PPP1R10: variants seen among roughly 807,000 people sequenced by gnomAD.
PPP1R10 encodes serine/threonine-protein phosphatase 1 regulatory subunit 10.
PPP1R10 carries 15 observed loss-of-function variants against 99.0 expected under a neutral mutation model. That is an observed-to-expected ratio of 0.15 (90% CI 0.10 to 0.23). The LOEUF (loss-of-function observed/expected upper bound fraction) is 0.23. PPP1R10 is among the 10% of genes least tolerant of loss of function. PPP1R10 has a pLI of 1.00. For synonymous variants in PPP1R10, 430 were observed against 449.5 expected (o/e 0.96, Z 0.55); for missense variants, 947 against 1,259.4 (o/e 0.75, Z 3.75).
Position 30,602,226 on chromosome 6 carries a change from C to G in PPP1R10, c.2423G>C (p.Ser808Thr). Residue 808 changes from serine (S) to threonine (T), a missense_variant, in exon 19 of 20, where the codon AGT becomes ACT. Physicochemically the swap from Ser to Thr is moderately conservative, Grantham distance 58. Coordinates refer to ENST00000376511, the MANE Select transcript of PPP1R10 (RefSeq NM_002714.4). This position sits in a 1 kb window ranked among gnomAD's most constrained non-coding sequence, Gnocchi z 6.7. Reference sequence around the variant, plus strand: ...ATGGGGACGATGGCCACTGCCACCACTGATGCCACCGCCAGGGCCTTCGTG... The same window carrying G: ...ATGGGGACGATGGCCACTGCCACCAGTGATGCCACCGCCAGGGCCTTCGTG... The part of the protein sequence containing the change: ...RPHEGPGGGI[S>T]GGSGHRPHEG... 6.2e-7 allele frequency: 1 copy of G among 1,611,700 alleles called. No homozygotes were observed. Among genetic ancestry groups the G allele is most frequent in the South Asian group, 1.1e-5 (1 of 90,990 alleles).
chr6:30,602,688 G>C lies in PPP1R10; in HGVS notation c.1961C>G (p.Pro654Arg), dbSNP rs1268419608. The part of the protein sequence containing the change: ...PPGPGGPMPG[P>R]HGGPGGPVGP... ...CACTGGCCCACCAGGGCCTCCATGG[G>C]GACCTGTAAGGGGACAAAAAAGAGA... is the stretch of plus-strand genomic sequence containing the variant. Residue 654 changes from proline to arginine, a missense_variant, in exon 19 of 20, where the codon CCC (proline) becomes CGC (arginine). By Grantham distance (103) the Pro-to-Arg change is moderately radical. Coordinates refer to ENST00000376511, the MANE Select transcript of PPP1R10 (RefSeq NM_002714.4). The surrounding 1 kb of genome is among the most constrained non-coding windows in gnomAD (Gnocchi z 6.7). The C allele has an allele frequency of 1.2e-6, 2 of 1,604,218 alleles. No individual in the cohort carries two copies. Among genetic ancestry groups the C allele is most frequent in the Non-Finnish European group, 1.7e-6 (2 of 1,176,990 alleles).
chr6:30,605,776 C>T (rs1302376839), intron 10 of PPP1R10, 147 bp downstream of exon 10: 6 of 750,934 alleles, frequency 8.0e-6, no homozygotes, highest in East Asian at 2.5e-5. Flanking sequence ...AGGAGAATGG[C>T]GTGAACCCGG....
chr6:30,609,106 C>G lies in PPP1R10; in HGVS notation c.165G>C (p.Leu55=), dbSNP rs1024643500. The G allele has an allele frequency of 8.7e-6, 14 of 1,613,770 alleles. No individual in the cohort carries two copies. The highest frequency in any genetic ancestry group is 3.3e-5 in the Admixed American group (2 of 59,994). ...VSRCTYLNIL[L]QTRSPEILVK... is the part of the protein sequence containing the mutation. Reference sequence around the variant, plus strand: ...CCAATATTTCTGGTGAACGGGTCTGCAGGAGAATGTTCAAGTAAGTGCATC... The same window carrying G: ...CCAATATTTCTGGTGAACGGGTCTGGAGGAGAATGTTCAAGTAAGTGCATC... Residue 55 remains leucine (L), a synonymous_variant, in exon 4 of 20, where the codon CTG becomes CTC. Coordinates refer to ENST00000376511, the MANE Select transcript of PPP1R10 (RefSeq NM_002714.4). The surrounding 1 kb of genome is among the most constrained non-coding windows in gnomAD (Gnocchi z 4.5).
At position 30,602,327 on chromosome 6, in the gene PPP1R10, G is replaced by A. The variant is rs771053055; in HGVS notation, c.2322C>T (p.Gly774=). 7 of 1,612,476 alleles carry A rather than the reference G, an allele frequency of 4.3e-6. No individual in the cohort carries two copies. In the East Asian group the frequency reaches 6.7e-5, roughly 15 times the overall value. Residue 774 remains glycine, a synonymous_variant, in exon 19 of 20, where the codon GGC becomes GGT. Coordinates refer to ENST00000376511, the MANE Select transcript of PPP1R10 (RefSeq NM_002714.4). This position sits in a 1 kb window ranked among gnomAD's most constrained non-coding sequence, Gnocchi z 6.7. ...GGCGATGCCCACTTCCCATGCCACC[G>A]CCAGGGCCTTCGTGGGGACGATGTC... The part of the protein sequence containing the change: ...SSGHRPHEGP[G]GGMGSGHRPH...
rs1397107931 is a variant in PPP1R10 at position 30,608,799 on chromosome 6, T to C, written c.310A>G (p.Thr104Ala). 1 of 1,614,136 alleles carries C rather than the reference T, an allele frequency of 6.2e-7. No homozygotes were observed. The change falls in exon 5 of 20, where the codon ACT becomes GCT. Residue 104 changes from threonine to alanine, a missense_variant. By Grantham distance (58) the Thr-to-Ala change is moderately conservative. Coordinates refer to ENST00000376511, the MANE Select transcript of PPP1R10 (RefSeq NM_002714.4). Reference protein sequence around the residue: ...ILLTLQHLPLTVDHLKQNNTA... With the variant: ...ILLTLQHLPLAVDHLKQNNTA... ...GGTACCTGCTTGAGATGGTCTACAG[T>C]GAGCGGTAGATGCTGCAGGGTCAGT...
intron 10 of PPP1R10, 65 bp downstream of exon 10, chr6:30,605,858 T>TC: frequency 1.6e-6 from 2 of 1,237,090 alleles, no homozygotes; most frequent in African/African-American, 1.9e-5. Flanking sequence ...AGACTCTGTC[T>TC]CCAAAAAAAA....
Position 30,601,495 on chromosome 6 carries a change from A to G in PPP1R10, c.*54T>C. On this transcript the variant is annotated 3_prime_UTR_variant, in exon 20 of 20. Coordinates refer to ENST00000376511, the MANE Select transcript of PPP1R10 (RefSeq NM_002714.4). ...CTCACAGAAGCCATAACAGGGTGGAAAGAGCGAGGCTGCAGTCCACAGGGG... is the reference window on the plus strand; with the variant it reads ...CTCACAGAAGCCATAACAGGGTGGAGAGAGCGAGGCTGCAGTCCACAGGGG... 6.8e-7 allele frequency: 1 copy of G among 1,470,158 alleles called. No homozygotes were observed. The highest frequency in any genetic ancestry group is 9.5e-7 in the Non-Finnish European group (1 of 1,053,692). 91.1% of individuals were successfully genotyped at this position (1,470,158 alleles called of 1,614,324 possible).
chr6:30,604,692 G>A lies in PPP1R10; in HGVS notation c.998C>T (p.Ala333Val). 6.2e-7 allele frequency: 1 copy of A among 1,613,128 alleles called. No individual in the cohort carries two copies. Among genetic ancestry groups the A allele is most frequent in the South Asian group, 1.1e-5 (1 of 91,086 alleles). The change falls in exon 12 of 20, where the codon GCC becomes GTC. Residue 333 changes from alanine to valine, a missense_variant. This residue lies in a region of PPP1R10 where 100 missense variants were observed against 105.8 expected (regional missense o/e 0.94). Coordinates refer to ENST00000376511, the MANE Select transcript of PPP1R10 (RefSeq NM_002714.4). The surrounding 1 kb of genome is among the most constrained non-coding windows in gnomAD (Gnocchi z 7.3). ...TGCTGGTTCTGGGGAAGAAGGTTTG[G>A]CTGTGCTTGGTTCTGTGCTCGTTTT... ...EGKTSTEPST[A>V]KPSSPEPAPP...
chr6:30,601,352 G>C lies in PPP1R10; in HGVS notation c.*197C>G, dbSNP rs757387037. The C allele has an allele frequency of 3.6e-5, 21 of 585,240 alleles. No homozygotes were observed. The highest frequency in any genetic ancestry group is 6.1e-5 in the Non-Finnish European group (20 of 328,750). The allele number at this position is 585,240 out of a possible 1,614,324, so 36.3% of individuals were successfully genotyped here. ...ACGTTTCCAGTCTCTCTCCTCCCCA[G>C]ACTGGAGGAAAATATGTACATCAAT... On this transcript the variant is annotated 3_prime_UTR_variant, in exon 20 of 20. Coordinates refer to ENST00000376511, the MANE Select transcript of PPP1R10 (RefSeq NM_002714.4).
chr6:30,602,091 T>C lies in PPP1R10; in HGVS notation c.2558A>G (p.His853Arg), dbSNP rs563039820. Reference protein sequence around the residue: ...GGHRPHEGPGHGGPHGHRPHD... With the variant: ...GGHRPHEGPGRGGPHGHRPHD... ...AGGCCGGTGGCCATGGGGCCCCCCG[T>C]GTCCAGGGCCTTCATGGGGACGATG... Residue 853 changes from histidine to arginine, a missense_variant, in exon 19 of 20, where the codon CAC becomes CGC. By Grantham distance (29) the His-to-Arg change is conservative (BLOSUM62 0). This residue lies in a region of PPP1R10 where 525 missense variants were observed against 578.8 expected (regional missense o/e 0.91). Coordinates refer to ENST00000376511, the MANE Select transcript of PPP1R10 (RefSeq NM_002714.4). This position sits in a 1 kb window ranked among gnomAD's most constrained non-coding sequence, Gnocchi z 6.7. The C allele has an allele frequency of 6.3e-7, 1 of 1,586,510 alleles. No individual in the cohort carries two copies. The highest frequency in any genetic ancestry group is 8.6e-7 in the Non-Finnish European group (1 of 1,163,780).
intron 2 of PPP1R10, among the ~76,000 whole-genome samples, 180 bp from the exon 3 acceptor site, chr6:30,610,135 T>C (rs1804408279): frequency 6.6e-6 from 1 of 152,154 alleles, no homozygotes; most frequent in South Asian, 2.1e-4. Context: ...ACTGAGAAAA[T>C]AGCCCTGGCA....
At chr6:30,605,843 G>A in intron 10 of PPP1R10, 80 bp downstream of exon 10, 1 of 1,347,522 alleles carries the variant, frequency 7.4e-7, no homozygotes, top group Non-Finnish European at 1.0e-6. Context: ...CTGGGTGACA[G>A]AGTGAGACTC....
At position 30,602,213 on chromosome 6, in the gene PPP1R10, G is replaced by A. The variant is rs1184627615; in HGVS notation, c.2436C>T (p.Gly812=). Residue 812 remains glycine (G), a synonymous_variant, in exon 19 of 20, where the codon GGC becomes GGT. Transcript: ENST00000376511. This position sits in a 1 kb window ranked among gnomAD's most constrained non-coding sequence, Gnocchi z 6.7. ...CGCCAGGGCCTTCATGGGGACGATGGCCACTGCCACCACTGATGCCACCGC... is the reference window on the plus strand; with the variant it reads ...CGCCAGGGCCTTCATGGGGACGATGACCACTGCCACCACTGATGCCACCGC... ...GPGGGISGGS[G]HRPHEGPGGG... is the part of the protein sequence containing the mutation. 2 of 1,607,472 alleles carry A rather than the reference G, an allele frequency of 1.2e-6. No individual in the cohort carries two copies. The highest frequency in any genetic ancestry group is 1.7e-5 in the Admixed American group (1 of 59,436).
chr6:30,606,319 A>C lies in PPP1R10; in HGVS notation c.635-76T>G. On this transcript the variant is annotated intron_variant, in intron 8 of 19. Transcript: ENST00000376511. This position sits in a 1 kb window ranked among gnomAD's most constrained non-coding sequence, Gnocchi z 6.3. ...GAATTTTCCTCCCGTTCTCACCCGC[A>C]AATGTTCTTCTAGCCTTGTAACCAA... The C allele has an allele frequency of 6.3e-7, 1 of 1,579,310 alleles. No homozygotes were observed. Among genetic ancestry groups the C allele is most frequent in the South Asian group, 1.1e-5 (1 of 89,148 alleles).
chr6:30,603,391 G>A (rs1205966243), intron 16 of PPP1R10, 81 bp downstream of exon 16: 3 of 1,584,414 alleles, frequency 1.9e-6, no homozygotes, highest in Non-Finnish European at 2.6e-6. Context: ...GAGAACTGGG[G>A]TAAGGCGAAT....
Position 30,602,163 on chromosome 6 carries a change from T to A in PPP1R10, c.2486A>T (p.His829Leu). Residue 829 changes from histidine (H) to leucine (L), a missense_variant, in exon 19 of 20, where the codon CAT (histidine) becomes CTT (leucine). This residue lies in a region of PPP1R10 where 525 missense variants were observed against 578.8 expected (regional missense o/e 0.91). Transcript: ENST00000376511. The surrounding 1 kb of genome is among the most constrained non-coding windows in gnomAD (Gnocchi z 6.7). ...TCCGCCAGGGCCTTCGTGGGGGCGA[T>A]GTCCACCACCGGCACCCATTCCTCC... The part of the protein sequence containing the change: ...PGGGMGAGGG[H>L]RPHEGPGGSM... The A allele has an allele frequency of 3.1e-6, 5 of 1,610,404 alleles. No individual in the cohort carries two copies. Among genetic ancestry groups the A allele is most frequent in the Non-Finnish European group, 4.2e-6 (5 of 1,178,946 alleles).
intron 17 of PPP1R10, 73 bp from the exon 18 acceptor site, chr6:30,603,032 C>T: frequency 1.4e-6 from 2 of 1,420,596 alleles, no homozygotes; most frequent in Non-Finnish European, 1.9e-6. Context: ...TTAGGTGCAA[C>T]CAACTGACCC....
chr6:30,607,954 A>G (rs1446537689), intron 5 of PPP1R10, 63 bp from the exon 6 acceptor site: 33 of 1,517,650 alleles, frequency 2.2e-5, no homozygotes, highest in Non-Finnish European at 2.9e-5. Context: ...ACTTAGAGCT[A>G]AAAACGACAA....
At chr6:30,615,075 G>A (rs1367165718) in intron 2 of PPP1R10, among the ~76,000 whole-genome samples, 1 of 152,142 alleles carries the variant, frequency 6.6e-6, no homozygotes, top group African/African-American at 2.4e-5. Flanking sequence ...ACTTGACCAA[G>A]TTTCTAGGGC....
Sources: gnomAD v4.1 joint callset for allele counts (sites outside exome capture counted in the v4.1 genomes callset) on GRCh38, gnomAD v4.1.1 for gene constraint, gnomAD v4.1.1 regional missense constraint, Gnocchi (gnomAD v3.1) non-coding constraint, MANE v1.5 for transcripts, NCBI Gene and HGNC (gene_info 2026-07-23, HGNC 2026-07-21) for gene names.